Variants in VPS13B observed in about 807,000 individuals in gnomAD.
The protein encoded by VPS13B is intermembrane lipid transfer protein VPS13B.
VPS13B carries 285 observed loss-of-function variants against 426.4 expected under a neutral mutation model. The observed-to-expected ratio is 0.67, with a 90% CI of 0.61 to 0.74. The LOEUF is 0.74. Ranked by LOEUF, VPS13B falls within the 30% of genes least tolerant of loss-of-function variation. The probability of loss-of-function intolerance (pLI) is 0.00; values close to 1 mark genes in which losing one functional copy is unlikely to be tolerated. For missense variants in VPS13B, 4,537 were observed against 4,782.6 expected, an observed-to-expected ratio of 0.95 and a Z score of 1.51; for synonymous variants, 1,676 against 1,676.4, an observed-to-expected ratio of 1.00 and a Z score of 0.01.
chr8:99,116,350 T>C (rs1233942180), intron 7 of VPS13B, among the ~76,000 whole-genome samples: 1 of 151,312 alleles, frequency 6.6e-6, no homozygotes, highest in African/African-American at 2.4e-5. Flanking sequence ...TTTAATTTTA[T>C]CTACATGCTG....
At chr8:99,784,259 C>G in intron 42 of VPS13B, 56 bp from the exon 43 acceptor site, 1 of 1,611,796 alleles carries the variant, frequency 6.2e-7, no homozygotes, top group Non-Finnish European at 8.5e-7. Context: ...AGACAGCTGC[C>G]AAACATCTTA....
intron 37 of VPS13B, among the ~76,000 whole-genome samples, chr8:99,719,550 T>A (rs1833054911): frequency 6.6e-6 from 1 of 152,248 alleles, no homozygotes; most frequent in East Asian, 1.9e-4. Flanking sequence ...TTTTTTCTTT[T>A]CTGCGTTACC....
At chr8:99,028,368 G>T (rs1842255548) in intron 2 of VPS13B, among the ~76,000 whole-genome samples, 1 of 150,040 alleles carries the variant, frequency 6.7e-6, no homozygotes, top group Admixed American at 6.6e-5. Flanking sequence ...CCTCCCGGAT[G>T]GGGCGGCTGG....
At chr8:99,834,547 T>TA (rs55864814) in intron 52 of VPS13B, among the ~76,000 whole-genome samples, 3 of 109,664 alleles carry the variant, frequency 2.7e-5, no homozygotes, top group East Asian at 2.5e-4. Flanking sequence ...TTATTTTTTA[T>TA]TTTTTTTGAT....
At chr8:99,435,716 A>G (rs556422121) in intron 22 of VPS13B, among the ~76,000 whole-genome samples, 3 of 152,324 alleles carry the variant, frequency 2.0e-5, no homozygotes, top group Admixed American at 2.0e-4. Flanking sequence ...CTTAGTAATT[A>G]ATTGATTTGG....
At chr8:99,288,503 T>A (rs891554124) in intron 19 of VPS13B, among the ~76,000 whole-genome samples, 25 of 151,996 alleles carry the variant, frequency 1.6e-4, no homozygotes, top group South Asian at 2.1e-4. Context: ...CAATTTCATT[T>A]TTAAAGAATA....
intron 39 of VPS13B, among the ~76,000 whole-genome samples, chr8:99,721,968 A>T (rs1402331681): frequency 6.6e-6 from 1 of 152,202 alleles, no homozygotes; most frequent in Admixed American, 6.5e-5. Flanking sequence ...AATGTAGGTT[A>T]TACTATATCA....
chr8:99,629,799 C>G (rs1828763937), intron 33 of VPS13B, among the ~76,000 whole-genome samples: 1 of 152,104 alleles, frequency 6.6e-6, no homozygotes, highest in Non-Finnish European at 1.5e-5. Flanking sequence ...TCACCTGAGG[C>G]CTACTAGTTT....
chr8:99,029,292 G>A (rs1842373514), intron 2 of VPS13B, among the ~76,000 whole-genome samples: 1 of 150,042 alleles, frequency 6.7e-6, no homozygotes, highest in Non-Finnish European at 1.5e-5. Flanking sequence ...TCACTTTCCA[G>A]ACTGGGCAGC....
intron 3 of VPS13B, among the ~76,000 whole-genome samples, chr8:99,048,162 G>T (rs868059413): frequency 6.6e-6 from 1 of 152,316 alleles, no homozygotes; most frequent in Middle Eastern, 3.4e-3. Flanking sequence ...TGGTTTTGAA[G>T]GTTCCTTTTG....
intron 17 of VPS13B, among the ~76,000 whole-genome samples, chr8:99,227,931 G>T (rs1170120075): frequency 2.0e-5 from 3 of 152,142 alleles, no homozygotes; most frequent in East Asian, 1.9e-4. Context: ...GACTCTGGGG[G>T]CTTATTTTTA....
chr8:99,449,700 T>G (rs1818093021), intron 23 of VPS13B, among the ~76,000 whole-genome samples: 1 of 152,182 alleles, frequency 6.6e-6, no homozygotes, highest in Non-Finnish European at 1.5e-5. Context: ...GGATCATGTA[T>G]AAATGATTAG....
intron 61 of VPS13B, chr8:99,875,113 A>ATGTT (rs1817632754): frequency 7.6e-6 from 3 of 396,028 alleles, no homozygotes; most frequent in Non-Finnish European, 1.4e-5. Context: ...ACAATGACAG[A>ATGTT]TGTTTTAATG....
At chr8:99,819,603 T>C (rs763030881) in intron 48 of VPS13B, 21 bp downstream of exon 48, 2 of 1,611,298 alleles carry the variant, frequency 1.2e-6, no homozygotes, top group Non-Finnish European at 1.7e-6. Flanking sequence ...TCAGTGATCT[T>C]TTTCTACAAA....
intron 9 of VPS13B, 30 bp downstream of exon 9, chr8:99,134,757 T>A (rs1300388206): frequency 6.5e-7 from 1 of 1,538,886 alleles, no homozygotes; most frequent in African/African-American, 1.4e-5. Flanking sequence ...CCTGTATTTT[T>A]AAATATTTTG....
chr8:99,147,430 A>T (rs1238935906), intron 13 of VPS13B, among the ~76,000 whole-genome samples: 2 of 152,068 alleles, frequency 1.3e-5, no homozygotes, highest in Non-Finnish European at 2.9e-5. Context: ...AGTTTTTAAA[A>T]TTTTTGTTTT....
At chr8:99,560,669 A>G (rs1824864594) in intron 31 of VPS13B, among the ~76,000 whole-genome samples, 1 of 152,226 alleles carries the variant, frequency 6.6e-6, no homozygotes, top group Non-Finnish European at 1.5e-5. Flanking sequence ...TGGAGTCATC[A>G]GCATGCAACT....
At chr8:99,515,280 T>C (rs1338008646) in intron 29 of VPS13B, among the ~76,000 whole-genome samples, 3 of 152,318 alleles carry the variant, frequency 2.0e-5, no homozygotes, top group East Asian at 1.9e-4. Context: ...TTGTTTCCCA[T>C]TGAGTTGCTT....
At position 99,547,904 on chromosome 8, in the gene VPS13B, G is replaced by A. The variant is rs548490828; in HGVS notation, c.4746-8546G>A. 2.6e-5 allele frequency among the ~76,000 whole-genome samples: 4 copies of A among 152,198 alleles called. No individual in the cohort carries two copies. The South Asian group carries it at 6.2e-4, about 24-fold the overall frequency. On this transcript the variant is annotated intron_variant, in intron 30 of 61. Transcript: ENST00000357162. ...ACAAGGTTTTAAAGGCTGCAATAAG[G>A]AGACAGCAAAGTTCATAGAGCTTTT...
Sources: allele counts gnomAD v4.1 joint callset (sites outside exome capture counted in the v4.1 genomes callset), GRCh38; gene constraint gnomAD v4.1.1; transcripts MANE v1.5; gene names NCBI Gene and HGNC (gene_info 2026-07-23, HGNC 2026-07-21).